The following SPARCL1 variants were observed in gnomAD, a reference collection of about 807,000 sequenced individuals.
The protein encoded by SPARCL1 is SPARC-like protein 1.
A neutral mutation model predicts 67.1 loss-of-function variants in SPARCL1; 52 were observed. The observed-to-expected ratio is 0.78, with a 90% CI of 0.62 to 0.98. The LOEUF is 0.98. SPARCL1 is among the 50% of genes least tolerant of loss of function. SPARCL1 has a pLI of 0.00. For missense variants in SPARCL1, 717 were observed against 782.4 expected (o/e 0.92, Z 1.00); for synonymous variants, 226 against 267.8 (o/e 0.84, Z 1.52).
chr4:87,482,458 T>C lies in SPARCL1; in HGVS notation c.1634A>G (p.His545Arg). 1 of 1,613,940 alleles carries C rather than the reference T, an allele frequency of 6.2e-7. No homozygotes were observed. Among genetic ancestry groups the C allele is most frequent in the East Asian group, 2.2e-5 (1 of 44,884 alleles). ...CTGCTTCTCATTTAGATAACCAGCGTGTTCAGAGTTGGCTTCATAAAGCTG... is the reference window on the plus strand; with the variant it reads ...CTGCTTCTCATTTAGATAACCAGCGCGTTCAGAGTTGGCTTCATAAAGCTG... The part of the protein sequence containing the change: ...LMQLYEANSE[H>R]AGYLNEKQRN... Residue 545 changes from histidine (H) to arginine (R), a missense_variant, in exon 8 of 11, where the codon CAC becomes CGC. Coordinates refer to ENST00000282470, the MANE Select transcript of SPARCL1 (RefSeq NM_004684.6).
intron 10 of SPARCL1, among the ~76,000 whole-genome samples, chr4:87,478,688 T>C (rs1046340391): frequency 6.6e-5 from 10 of 152,242 alleles, no homozygotes; most frequent in Admixed American, 5.9e-4. Flanking sequence ...TCCACCCACC[T>C]CGGCTTCCCA....
At chr4:87,511,500 A>G (rs888176187) in intron 1 of SPARCL1, among the ~76,000 whole-genome samples, 5 of 152,212 alleles carry the variant, frequency 3.3e-5, no homozygotes, top group African/African-American at 1.2e-4. Context: ...TGTAGCTTGC[A>G]TGCTGTAGCA....
chr4:87,522,793 C>T (rs1173030203), intron 1 of SPARCL1, among the ~76,000 whole-genome samples: 1 of 151,980 alleles, frequency 6.6e-6, no homozygotes, highest in Admixed American at 6.6e-5. Flanking sequence ...AGGTGTTTTG[C>T]CTTCATAACA....
rs1724291044 is a variant in SPARCL1, at chr4:87,490,774, T to C, written c.1396A>G (p.Lys466Glu). ...AGAATACTTACTTGATCAAGGGGTT[T>C]TGTTGGAGGACAAGTCACTGGATCC... is the stretch of plus-strand genomic sequence containing the variant. The part of the protein sequence containing the change: ...CQDPVTCPPT[K>E]PLDQVCGTDN... The change falls in exon 6 of 11, where the codon AAA (lysine) becomes GAA (glutamate). Residue 466 changes from lysine (K) to glutamate (E), a missense_variant. Lys to Glu is a moderately conservative substitution (Grantham distance 56). Coordinates refer to ENST00000282470, the MANE Select transcript of SPARCL1 (RefSeq NM_004684.6). 4 of 1,608,006 alleles carry C rather than the reference T, an allele frequency of 2.5e-6. No individual in the cohort carries two copies. Among genetic ancestry groups the C allele is most frequent in the Non-Finnish European group, 3.4e-6 (4 of 1,176,176 alleles).
Position 87,495,121 on chromosome 4 carries a change from C to A in SPARCL1, c.61G>T (p.Ala21Ser), listed in dbSNP as rs761235959. Reference sequence around the variant, plus strand: ...TTGGAATGATCAGATAATAATCTTGCATTTGTCTGAAAAAATTAAAAACTG... The same window carrying A: ...TTGGAATGATCAGATAATAATCTTGAATTTGTCTGAAAAAATTAAAAACTG... ...LGTAAAIPTNARLLSDHSKPT... is the reference protein window; with the variant it reads ...LGTAAAIPTNSRLLSDHSKPT... The change falls in exon 3 of 11, where the codon GCA becomes TCA. Residue 21 changes from alanine to serine, a missense_variant. Physicochemically the swap from Ala to Ser is moderately conservative, Grantham distance 99. Transcript: ENST00000282470. 2 of 1,596,966 alleles carry A rather than the reference C, an allele frequency of 1.3e-6. No individual in the cohort carries two copies. The highest frequency in any genetic ancestry group is 1.7e-6 in the Non-Finnish European group (2 of 1,176,514).
chr4:87,526,499 C>T (rs1025010281), intron 1 of SPARCL1, among the ~76,000 whole-genome samples: 14 of 152,158 alleles, frequency 9.2e-5, no homozygotes, highest in African/African-American at 3.1e-4. Context: ...ATTCCTACAA[C>T]GACCTCATTT....
At position 87,490,788 on chromosome 4, in the gene SPARCL1, G is replaced by A. The variant is rs1411628298; in HGVS notation, c.1382C>T (p.Thr461Ile). 8 of 1,611,716 alleles carry A rather than the reference G, an allele frequency of 5.0e-6. No homozygotes were observed. Among genetic ancestry groups the A allele is most frequent in the Non-Finnish European group, 5.9e-6 (7 of 1,178,416 alleles). Reference protein sequence around the residue: ...KPHCVCQDPVTCPPTKPLDQV... With the variant: ...KPHCVCQDPVICPPTKPLDQV... ...ATCAAGGGGTTTTGTTGGAGGACAA[G>A]TCACTGGATCCTGGCAGACACAGTG... The change falls in exon 6 of 11, where the codon ACT becomes ATT. Residue 461 changes from threonine (T) to isoleucine (I), a missense_variant. Thr to Ile is a moderately conservative substitution (Grantham distance 89). Transcript: ENST00000282470.
In SPARCL1 at chr4:87,494,343, G is replaced by A. The variant is rs779316747; in HGVS notation, c.457C>T (p.Gln153Ter). 2 of 1,614,032 alleles carry A rather than the reference G, an allele frequency of 1.2e-6. No individual in the cohort carries two copies. The highest frequency in any genetic ancestry group is 1.7e-6 in the Non-Finnish European group (2 of 1,180,016). Residue 153 changes from glutamine (Q) to a stop codon, truncating the protein, a stop_gained, in exon 4 of 11, where the codon CAA becomes TAA. Transcript: ENST00000282470. LOFTEE classifies it high-confidence loss of function. ...TCTCTCTTTGTGATACTTTCTTGTT[G>A]GTTAGAATCTGTGAAGGAACTAACA... The part of the protein sequence containing the change: ...PGVSSFTDSN[Q>*]QESITKREEN...
At chr4:87,504,316 C>A (rs1466741985) in intron 1 of SPARCL1, among the ~76,000 whole-genome samples, 1 of 152,010 alleles carries the variant, frequency 6.6e-6, no homozygotes, top group Non-Finnish European at 1.5e-5. Context: ...AAGTATAATT[C>A]TTCTAAGTGA....
Position 87,490,334 on chromosome 4 carries a change from G to A in SPARCL1, c.1470C>T (p.Cys490=). The change falls in exon 7 of 11, where the codon TGC becomes TGT. Residue 490 remains cysteine, a synonymous_variant. Transcript: ENST00000282470. The part of the protein sequence containing the change: ...ASSCHLFATK[C]RLEGTKKGHQ... ...GCCCCTTTTTGGTCCCCTCCAGTCT[G>A]CATTTAGTAGCGAATAGATGACAGG... is the stretch of plus-strand genomic sequence containing the variant. 6.2e-7 allele frequency: 1 copy of A among 1,613,378 alleles called. No homozygotes were observed. Among genetic ancestry groups the A allele is most frequent in the Non-Finnish European group, 8.5e-7 (1 of 1,179,658 alleles).
At chr4:87,526,969 A>G (rs1560458173) in intron 1 of SPARCL1, among the ~76,000 whole-genome samples, 1 of 152,246 alleles carries the variant, frequency 6.6e-6, no homozygotes, top group Non-Finnish European at 1.5e-5. Context: ...TTGTTTGCCC[A>G]AAGTCACAGA....
chr4:87,508,213 C>T lies in SPARCL1; in HGVS notation c.-11-8628G>A, dbSNP rs187756300. Among the ~76,000 whole-genome samples the T allele has an allele frequency of 5.7e-3, 791 of 137,724 alleles. 7 individuals carry two copies. The highest frequency in any genetic ancestry group is 0.021 in the African/African-American group (761 of 37,042). 90.4% of individuals were successfully genotyped at this position (137,724 alleles called of 152,430 possible). ...GCCCATCTGTTCAGATTCTTTTTGG[C>T]CTCTTTTTTTTTTCCTTTGAGGTGG... On this transcript the variant is annotated intron_variant, in intron 1 of 10. Coordinates refer to ENST00000282470, the MANE Select transcript of SPARCL1 (RefSeq NM_004684.6).
intron 2 of SPARCL1, among the ~76,000 whole-genome samples, chr4:87,498,053 G>A (rs766297621): frequency 1.3e-5 from 2 of 152,134 alleles, no homozygotes; most frequent in Admixed American, 6.6e-5. Context: ...GCCACTGTGC[G>A]TGGCCCAAAG....
chr4:87,487,086 G>T lies in SPARCL1; in HGVS notation c.1531+3187C>A, dbSNP rs528574311. 2.0e-5 allele frequency among the ~76,000 whole-genome samples: 3 copies of T among 151,100 alleles called. No homozygotes were observed. In the South Asian group the frequency reaches 6.3e-4, roughly 32 times the overall value. ...GTCTTTTAATTGGGGCATTTAGCCC[G>T]TTTACATTTAAAATTAATATTGTTA... On this transcript the variant is annotated intron_variant, in intron 7 of 10. Transcript: ENST00000282470.
At chr4:87,521,180 A>G (rs1725800199) in intron 1 of SPARCL1, among the ~76,000 whole-genome samples, 1 of 152,192 alleles carries the variant, frequency 6.6e-6, no homozygotes, top group Non-Finnish European at 1.5e-5. Flanking sequence ...AGTTTTTTAG[A>G]ACATTAATTT....
chr4:87,507,626 T>C (rs919594706), intron 1 of SPARCL1, among the ~76,000 whole-genome samples: 8 of 152,172 alleles, frequency 5.3e-5, no homozygotes, highest in Non-Finnish European at 8.8e-5. Context: ...TGTGGGAGAT[T>C]TTTTGTCATC....
At chr4:87,474,745 T>C (rs79621720) in intron 10 of SPARCL1, among the ~76,000 whole-genome samples, 3,663 of 62,764 alleles carry the variant, frequency 0.058, 65 homozygotes, top group South Asian at 0.13. Flanking sequence ...CTCTCTCTCT[T>C]TTTTTTTTTT....
Position 87,503,375 on chromosome 4 carries a change from C to G in SPARCL1, c.-11-3790G>C, listed in dbSNP as rs532026961. 5.3e-5 allele frequency among the ~76,000 whole-genome samples: 8 copies of G among 152,296 alleles called. 1 individual carries two copies. The highest frequency in any genetic ancestry group is 1.9e-4 in the African/African-American group (8 of 41,574). On this transcript the variant is annotated intron_variant, in intron 1 of 10. Transcript: ENST00000282470. ...CTCTTAGGTTTAAGCTTTCCCTGTT[C>G]TAAGTCAGTCTTCCATCTTCTAAAG...
chr4:87,512,601 T>C (rs963435628), intron 1 of SPARCL1, among the ~76,000 whole-genome samples: 6 of 152,132 alleles, frequency 3.9e-5, no homozygotes, highest in African/African-American at 1.4e-4. Context: ...TAACAGACCC[T>C]CCTGGATGAT....
Sources: gnomAD v4.1 joint callset for allele counts (sites outside exome capture counted in the v4.1 genomes callset) on GRCh38, gnomAD v4.1.1 for gene constraint, MANE v1.5 for transcripts, NCBI Gene and HGNC (gene_info 2026-07-23, HGNC 2026-07-21) for gene names.